Variants in LRP1B observed in about 807,000 individuals in gnomAD.
LRP1B encodes the protein low-density lipoprotein receptor-related protein 1B.
Under a neutral mutation model 556.6 loss-of-function variants are expected in LRP1B, and 217 were observed. That is an observed-to-expected ratio of 0.39 (90% CI 0.35 to 0.44). The LOEUF (loss-of-function observed/expected upper bound fraction) is 0.44. Ranked by LOEUF, LRP1B falls within the 20% of genes least tolerant of loss-of-function variation. The pLI, the probability that LRP1B is intolerant of heterozygous loss-of-function variation, is 1.00. For missense variants in LRP1B, 5,053 were observed against 5,620.8 expected, an observed-to-expected ratio of 0.90 and a Z score of 3.23; for synonymous variants, 2,047 against 1,865.8, an observed-to-expected ratio of 1.10 and a Z score of -2.50.
intron 3 of LRP1B, among the ~76,000 whole-genome samples, chr2:141,283,367 G>A (rs561746468): frequency 1.3e-5 from 2 of 152,132 alleles, no homozygotes; most frequent in East Asian, 3.9e-4. Flanking sequence ...GAAAGTACAT[G>A]GTATAATCAG....
At chr2:141,331,744 G>C (rs1485546554) in intron 3 of LRP1B, among the ~76,000 whole-genome samples, 1 of 152,064 alleles carries the variant, frequency 6.6e-6, no homozygotes, top group East Asian at 1.9e-4. Context: ...TGGAAAGGGA[G>C]ATATTAGCCT....
intron 3 of LRP1B, among the ~76,000 whole-genome samples, chr2:141,394,152 C>T (rs1385901296): frequency 6.6e-6 from 1 of 152,066 alleles, no homozygotes; most frequent in Non-Finnish European, 1.5e-5. Context: ...ACACGTTGCT[C>T]AAAATGTTCT....
intron 55 of LRP1B, among the ~76,000 whole-genome samples, chr2:140,496,477 T>C (rs1233223009): frequency 1.3e-5 from 2 of 152,144 alleles, no homozygotes; most frequent in Non-Finnish European, 2.9e-5. Flanking sequence ...ATGTAGATGT[T>C]TTTTATCTTA....
intron 1 of LRP1B, 26 bp downstream of exon 1, chr2:142,130,622 G>C: frequency 6.3e-7 from 1 of 1,587,656 alleles, no homozygotes; most frequent in Non-Finnish European, 8.6e-7. Context: ...AGTCAGGGGA[G>C]GGGAGCGGGG....
At chr2:141,541,793 C>T (rs1685270501) in intron 2 of LRP1B, among the ~76,000 whole-genome samples, 1 of 151,932 alleles carries the variant, frequency 6.6e-6, no homozygotes. Flanking sequence ...TAGAAATGGT[C>T]AAATGTAAGT....
Position 141,062,052 on chromosome 2 carries a change from T to C in LRP1B, c.1235A>G (p.Gln412Arg). Residue 412 changes from glutamine (Q) to arginine (R), a missense_variant and splice_region_variant, in exon 8 of 91, where the codon CAA (glutamine) becomes CGA (arginine). Physicochemically the swap from Gln to Arg is conservative, Grantham distance 43. Transcript: ENST00000389484. ...GTTGTCTAACAAAATTGTACTTACT[T>C]GTCTGCCTTGAATGACAGTGTGTCT... ...KNRHTVIQGR[Q>R]VRHLYGITVF... 1.2e-6 allele frequency: 2 copies of C among 1,610,328 alleles called. No individual in the cohort carries two copies. The highest frequency in any genetic ancestry group is 1.7e-6 in the Non-Finnish European group (2 of 1,177,220).
intron 7 of LRP1B, among the ~76,000 whole-genome samples, chr2:141,154,491 C>A (rs531607090): frequency 2.2e-4 from 34 of 151,930 alleles, no homozygotes; most frequent in South Asian, 4.1e-4. Context: ...TCAAATTTTT[C>A]ATCTCTCTAT....
chr2:141,487,066 C>T (rs79090878), intron 2 of LRP1B, among the ~76,000 whole-genome samples: 3,369 of 152,230 alleles, frequency 0.022, 62 homozygotes, highest in Middle Eastern at 0.048. Context: ...TTCCTCACAG[C>T]GTTCCATGGA....
chr2:141,054,359 C>A (rs968037859), intron 10 of LRP1B, among the ~76,000 whole-genome samples: 11 of 151,846 alleles, frequency 7.2e-5, no homozygotes, highest in Non-Finnish European at 1.5e-4. Context: ...ATTTAAAGAC[C>A]AACAGTCCCC....
chr2:141,933,323 G>A (rs1259090628), intron 1 of LRP1B, among the ~76,000 whole-genome samples: 1 of 152,004 alleles, frequency 6.6e-6, no homozygotes, highest in Non-Finnish European at 1.5e-5. Flanking sequence ...AGACAGTTAA[G>A]AAATACTCTG....
intron 86 of LRP1B, among the ~76,000 whole-genome samples, chr2:140,256,802 A>T (rs1349572028): frequency 6.6e-6 from 1 of 151,818 alleles, no homozygotes; most frequent in Admixed American, 6.6e-5. Flanking sequence ...AAAACTCAGC[A>T]AAAAAATTTT....
chr2:140,932,886 T>TACACAC (rs373649277), intron 20 of LRP1B, among the ~76,000 whole-genome samples: 8,865 of 127,212 alleles, frequency 0.07, 379 homozygotes, highest in African/African-American at 0.094. Flanking sequence ...TCTCTCCCTA[T>TACACAC]ACACACACAC....
intron 43 of LRP1B, among the ~76,000 whole-genome samples, chr2:140,559,891 G>C (rs1680868284): frequency 6.6e-6 from 1 of 152,034 alleles, no homozygotes; most frequent in Non-Finnish European, 1.5e-5. Context: ...TTAAATCACT[G>C]TTTCAGGCAA....
chr2:140,511,319 T>TTTTTTTTTTTTTTTG (rs1553477418), intron 51 of LRP1B, among the ~76,000 whole-genome samples: 1 of 145,730 alleles, frequency 6.9e-6, no homozygotes, highest in African/African-American at 2.6e-5. Context: ...TTTTTTTTTT[T>TTTTTTTTTTTTTTTG]GAGACGGAGT....
At chr2:140,414,557 T>C (rs952406545) in intron 66 of LRP1B, among the ~76,000 whole-genome samples, 2 of 152,130 alleles carry the variant, frequency 1.3e-5, no homozygotes, top group African/African-American at 4.8e-5. Context: ...GGACCCCGAA[T>C]AGAGGGACCA....
At chr2:140,724,957 G>A (rs928248900) in intron 35 of LRP1B, among the ~76,000 whole-genome samples, 1 of 151,862 alleles carries the variant, frequency 6.6e-6, no homozygotes. Context: ...TTTTTTTACT[G>A]TCATTTATCC....
intron 3 of LRP1B, among the ~76,000 whole-genome samples, chr2:141,335,790 GAA>G (rs1203677650): frequency 6.6e-6 from 1 of 151,822 alleles, no homozygotes; most frequent in East Asian, 1.9e-4. Context: ...CACAGAGATG[GAA>G]AAAAAGAGAG....
chr2:141,614,527 G>C (rs965390811), intron 2 of LRP1B, among the ~76,000 whole-genome samples: 1 of 152,126 alleles, frequency 6.6e-6, no homozygotes, highest in Admixed American at 6.6e-5. Flanking sequence ...GAGGTCATTA[G>C]GGTGGACCTT....
rs61336155 is a variant in LRP1B at position 140,600,767 on chromosome 2, G to GTTTTTTTTTTTTT, written c.6989+670_6989+682dup. Among the ~76,000 whole-genome samples the GTTTTTTTTTTTTT allele has an allele frequency of 2.8e-3, 161 of 56,856 alleles. 5 individuals are homozygous for GTTTTTTTTTTTTT. Among genetic ancestry groups the GTTTTTTTTTTTTT allele is most frequent in the Non-Finnish European group, 3.5e-3 (104 of 29,548 alleles). The allele number at this position is 56,856 out of a possible 152,430, so 37.3% of individuals were successfully genotyped here. ...CCTTACCTGTGCTTTGTTCTTCGGGGTTTTTTTTTTTTTTTTTTTTTTTTT... is the reference window on the plus strand; with the variant it reads ...CCTTACCTGTGCTTTGTTCTTCGGGGTTTTTTTTTTTTTTTTTTTTTTTTTTTTTTTTTTTTTT... On this transcript the variant is annotated intron_variant, in intron 42 of 90. Coordinates refer to ENST00000389484, the MANE Select transcript of LRP1B (RefSeq NM_018557.3).
Sources: gnomAD v4.1 joint callset for allele counts (sites outside exome capture counted in the v4.1 genomes callset) on GRCh38, gnomAD v4.1.1 for gene constraint, MANE v1.5 for transcripts, NCBI Gene and HGNC (gene_info 2026-07-23, HGNC 2026-07-21) for gene names.